The following CCSER1 variants were observed in gnomAD, a reference collection of about 807,000 sequenced individuals.
CCSER1 encodes the protein coiled-coil serine rich protein 1, also known as serine-rich coiled-coil domain-containing protein 1.
In CCSER1, 41 loss-of-function variants were observed where a neutral mutation model predicts 82.0. That is an observed-to-expected ratio of 0.50 (90% CI 0.39 to 0.65). The LOEUF (loss-of-function observed/expected upper bound fraction) is 0.65, where lower values mean the gene tolerates loss of function less well. CCSER1 is among the 30% of genes least tolerant of loss of function. CCSER1 has a pLI of 0.00. For missense variants in CCSER1, 1,119 were observed against 1,064.2 expected, an observed-to-expected ratio of 1.05 and a Z score of -0.72; for synonymous variants, 414 against 383.9, an observed-to-expected ratio of 1.08 and a Z score of -0.92.
At chr4:90,552,312 T>C (rs1046222934) in intron 5 of CCSER1, among the ~76,000 whole-genome samples, 1 of 152,148 alleles carries the variant, frequency 6.6e-6, no homozygotes, top group Non-Finnish European at 1.5e-5. Flanking sequence ...ATGGTTAAAC[T>C]AATGTGGTAT....
intron 5 of CCSER1, among the ~76,000 whole-genome samples, chr4:90,478,974 C>T (rs574167527): frequency 2.2e-4 from 34 of 152,054 alleles, no homozygotes; most frequent in Middle Eastern, 6.8e-3. Context: ...CTCCTGACCT[C>T]GTGATCTGCC....
chr4:90,846,896 C>T (rs1290653958), intron 8 of CCSER1, among the ~76,000 whole-genome samples: 1 of 152,166 alleles, frequency 6.6e-6, no homozygotes, highest in Non-Finnish European at 1.5e-5. Flanking sequence ...ATACACCTGC[C>T]TTGGCCTCCC....
At chr4:90,776,909 C>G (rs114793393) in intron 7 of CCSER1, among the ~76,000 whole-genome samples, 1,825 of 152,196 alleles carry the variant, frequency 0.012, 40 homozygotes, top group African/African-American at 0.042. Context: ...CCTTAGTTAA[C>G]TTCATCCTCT....
chr4:90,190,540 C>G (rs1266605303), intron 1 of CCSER1, among the ~76,000 whole-genome samples: 1 of 152,070 alleles, frequency 6.6e-6, no homozygotes, highest in East Asian at 1.9e-4. Context: ...ATTTTAACAC[C>G]ACCGGGGCTT....
At position 90,802,338 on chromosome 4, in the gene CCSER1, G is replaced by A. The variant is rs576567031; in HGVS notation, c.2011-13424G>A. Among the ~76,000 whole-genome samples the A allele has an allele frequency of 1.7e-3, 249 of 148,716 alleles. 1 individual carries two copies. The highest frequency in any genetic ancestry group is 2.8e-3 in the Non-Finnish European group (189 of 67,360). On this transcript the variant is annotated intron_variant, in intron 7 of 10. Transcript: ENST00000509176. ...GTAAACTATGTGAATTTTACCTCTA[G>A]TAAATGTAGTTGTATAATCAGTAAA...
chr4:90,883,179 T>C (rs1249467676), intron 8 of CCSER1, among the ~76,000 whole-genome samples: 1 of 151,924 alleles, frequency 6.6e-6, no homozygotes. Flanking sequence ...TTTTAGTCAA[T>C]AATAAAGTTT....
At chr4:91,587,968 T>G (rs1764081153) in intron 10 of CCSER1, among the ~76,000 whole-genome samples, 1 of 149,388 alleles carries the variant, frequency 6.7e-6, no homozygotes, top group Admixed American at 6.7e-5. Flanking sequence ...ATATTTTCAG[T>G]GAGCAAGAAG....
intron 10 of CCSER1, among the ~76,000 whole-genome samples, chr4:91,218,426 T>G (rs181398023): frequency 2.5e-4 from 38 of 152,108 alleles, no homozygotes; most frequent in Admixed American, 1.4e-3. Flanking sequence ...CACAGTGCAG[T>G]GGGGGCACTG....
At chr4:90,792,088 C>T (rs769547117) in intron 7 of CCSER1, among the ~76,000 whole-genome samples, 7 of 152,064 alleles carry the variant, frequency 4.6e-5, no homozygotes, top group Admixed American at 6.6e-5. Context: ...TGCCTTCTTG[C>T]AGTTCAGTTT....
intron 10 of CCSER1, among the ~76,000 whole-genome samples, chr4:91,181,756 C>T (rs929625556): frequency 2.6e-5 from 4 of 152,140 alleles, no homozygotes; most frequent in African/African-American, 4.8e-5. Flanking sequence ...TAAACAAGTA[C>T]GTTCATTTTT....
chr4:91,475,588 C>T (rs1251960751), intron 10 of CCSER1, among the ~76,000 whole-genome samples: 1 of 151,850 alleles, frequency 6.6e-6, no homozygotes, highest in Non-Finnish European at 1.5e-5. Context: ...GACCCCCTGC[C>T]ACCTTTTCTT....
chr4:90,260,078 C>T (rs1724045369), intron 1 of CCSER1, among the ~76,000 whole-genome samples: 1 of 152,098 alleles, frequency 6.6e-6, no homozygotes. Flanking sequence ...TTCAATTGTA[C>T]ATCCATCTGG....
intron 8 of CCSER1, among the ~76,000 whole-genome samples, chr4:90,862,144 GA>G (rs989983897): frequency 6.6e-5 from 10 of 151,620 alleles, no homozygotes; most frequent in Non-Finnish European, 1.2e-4. Flanking sequence ...ATACATTTCT[GA>G]GTACAATTTA....
At chr4:90,174,893 C>T (rs1732382266) in intron 1 of CCSER1, among the ~76,000 whole-genome samples, 2 of 151,946 alleles carry the variant, frequency 1.3e-5, no homozygotes, top group Admixed American at 1.3e-4. Context: ...AATCCTCATA[C>T]ACTGCTGGTG....
chr4:90,308,760 G>A lies in CCSER1; in HGVS notation c.476G>A (p.Gly159Glu), dbSNP rs1216762091. The change falls in exon 2 of 11, where the codon GGG (glycine) becomes GAG (glutamate). Residue 159 changes from glycine to glutamate, a missense_variant. Physicochemically the swap from Gly to Glu is moderately conservative, Grantham distance 98. Coordinates refer to ENST00000509176, the MANE Select transcript of CCSER1 (RefSeq NM_001145065.2). ...INCLSSGKSEGDDSGFTEDQT... is the reference protein window; with the variant it reads ...INCLSSGKSEEDDSGFTEDQT... ...TGTCTAAGTTCTGGCAAAAGTGAAGGGGATGATTCTGGTTTCACAGAAGAC... is the reference window on the plus strand; with the variant it reads ...TGTCTAAGTTCTGGCAAAAGTGAAGAGGATGATTCTGGTTTCACAGAAGAC... 4.3e-6 allele frequency: 7 copies of A among 1,613,670 alleles called. No homozygotes were observed. Among genetic ancestry groups the A allele is most frequent in the African/African-American group, 1.3e-5 (1 of 74,926 alleles).
chr4:90,801,187 T>G (rs1348538737), intron 7 of CCSER1, among the ~76,000 whole-genome samples: 1 of 152,204 alleles, frequency 6.6e-6, no homozygotes, highest in Admixed American at 6.5e-5. Context: ...ATGTAGGACT[T>G]CAGTGAATTT....
chr4:90,955,883 A>T (rs73834707), intron 9 of CCSER1, among the ~76,000 whole-genome samples: 4,308 of 152,198 alleles, frequency 0.028, 168 homozygotes, highest in African/African-American at 0.087. Flanking sequence ...ATTCCTTACC[A>T]TTCAATCTAA....
chr4:91,274,104 T>C (rs528532375), intron 10 of CCSER1, among the ~76,000 whole-genome samples: 15 of 152,318 alleles, frequency 9.8e-5, no homozygotes, highest in African/African-American at 3.4e-4. Flanking sequence ...ACTTTGGTAA[T>C]ACACTATCTT....
chr4:90,601,096 A>G (rs1783979204), intron 5 of CCSER1, among the ~76,000 whole-genome samples: 2 of 152,074 alleles, frequency 1.3e-5, no homozygotes, highest in African/African-American at 4.8e-5. Flanking sequence ...TGTCATTTGC[A>G]AATAAATACA....
Sources: gnomAD v4.1 joint callset for allele counts (sites outside exome capture counted in the v4.1 genomes callset) on GRCh38, gnomAD v4.1.1 for gene constraint, MANE v1.5 for transcripts, NCBI Gene and HGNC (gene_info 2026-07-23, HGNC 2026-07-21) for gene names.